The following NKAIN3 variants were observed in gnomAD, a reference collection of about 807,000 sequenced individuals.
NKAIN3 encodes sodium/potassium-transporting ATPase subunit beta-1-interacting protein 3.
NKAIN3 carries 25 observed loss-of-function variants against 30.2 expected under a neutral mutation model. The observed-to-expected ratio is 0.83, with a 90% CI of 0.60 to 1.16. The LOEUF is 1.16. NKAIN3 is among the 50% of genes most tolerant of loss of function. The probability of loss-of-function intolerance (pLI) is 0.00; values close to 1 mark genes in which losing one functional copy is unlikely to be tolerated. For synonymous variants in NKAIN3, 91 were observed against 89.6 expected (o/e 1.02, Z -0.09); for missense variants, 225 against 254.1 (o/e 0.89, Z 0.78).
At chr8:62,411,971 G>A (rs1405630519) in intron 1 of NKAIN3, among the ~76,000 whole-genome samples, 1 of 152,042 alleles carries the variant, frequency 6.6e-6, no homozygotes, top group Non-Finnish European at 1.5e-5. Flanking sequence ...AGTTAAAATG[G>A]CCATATTGCC....
intron 5 of NKAIN3, among the ~76,000 whole-genome samples, chr8:62,925,456 C>T (rs1414801725): frequency 5.3e-5 from 8 of 152,150 alleles, no homozygotes; most frequent in Non-Finnish European, 1.2e-4. Flanking sequence ...AAGCATGGCC[C>T]TATATTATGC....
intron 4 of NKAIN3, among the ~76,000 whole-genome samples, chr8:62,806,003 G>A (rs1358350256): frequency 1.3e-5 from 2 of 152,182 alleles, no homozygotes; most frequent in Non-Finnish European, 2.9e-5. Context: ...GACATGAACA[G>A]ACACTTCTAA....
At chr8:62,869,555 A>G (rs1820527809) in intron 4 of NKAIN3, among the ~76,000 whole-genome samples, 1 of 152,232 alleles carries the variant, frequency 6.6e-6, no homozygotes, top group Non-Finnish European at 1.5e-5. Context: ...GATTAATGAT[A>G]TCTAACCAGA....
chr8:62,977,444 G>C lies in NKAIN3; in HGVS notation c.*12037G>C, dbSNP rs376859257. Among the ~76,000 whole-genome samples the C allele has an allele frequency of 1.3e-5, 2 of 151,374 alleles. No individual in the cohort carries two copies. The highest frequency in any genetic ancestry group is 2.0e-4 in the East Asian group (1 of 5,086). ...TCTTCATGCTTTATTTCCTTAAGTT[G>C]ATCTTCAGTCTCTGATATCCTTTCT... On this transcript the variant is annotated 3_prime_UTR_variant, in exon 7 of 7. Transcript: ENST00000623646.
intron 4 of NKAIN3, among the ~76,000 whole-genome samples, chr8:62,881,413 T>C (rs1820977868): frequency 6.6e-6 from 1 of 152,194 alleles, no homozygotes; most frequent in Non-Finnish European, 1.5e-5. Context: ...TCCTTTCACT[T>C]AGTAATGTGC....
intron 3 of NKAIN3, among the ~76,000 whole-genome samples, chr8:62,707,081 A>ACACACACG (rs1554568727): frequency 2.6e-5 from 4 of 151,174 alleles, no homozygotes; most frequent in African/African-American, 9.7e-5. Flanking sequence ...ACACACACAC[A>ACACACACG]CACACGCACA....
chr8:62,760,916 A>G (rs2054521), intron 4 of NKAIN3, among the ~76,000 whole-genome samples: 29,529 of 152,018 alleles, frequency 0.19, 3,271 homozygotes, highest in African/African-American at 0.29. Flanking sequence ...ATCCTGGGGT[A>G]CAGGAAGCCT....
At chr8:62,825,498 T>C (rs977319237) in intron 4 of NKAIN3, among the ~76,000 whole-genome samples, 2 of 152,208 alleles carry the variant, frequency 1.3e-5, no homozygotes, top group East Asian at 1.9e-4. Flanking sequence ...TTAGATAAAC[T>C]ACTGGCTTGA....
At chr8:62,883,457 G>GTTGTTTTTTTT in intron 4 of NKAIN3, among the ~76,000 whole-genome samples, 770 of 70,128 alleles carry the variant, frequency 0.011, 119 homozygotes, top group South Asian at 0.054. Context: ...AGTTTTATGG[G>GTTGTTTTTTTT]TTTTTTTTTT....
At chr8:62,519,577 A>G (rs1808092983) in intron 1 of NKAIN3, among the ~76,000 whole-genome samples, 1 of 152,166 alleles carries the variant, frequency 6.6e-6, no homozygotes, top group Non-Finnish European at 1.5e-5. Context: ...TTTAACTTAA[A>G]GTGATAGAAT....
chr8:62,658,204 G>A (rs1162937520), intron 3 of NKAIN3, among the ~76,000 whole-genome samples: 1 of 152,114 alleles, frequency 6.6e-6, no homozygotes, highest in Non-Finnish European at 1.5e-5. Flanking sequence ...TCTGACACTG[G>A]CTTTGGGGTA....
intron 1 of NKAIN3, among the ~76,000 whole-genome samples, chr8:62,378,693 C>G (rs1817175451): frequency 6.6e-6 from 1 of 152,142 alleles, no homozygotes; most frequent in Admixed American, 6.5e-5. Context: ...ACACAGAAGA[C>G]AAGAATTGAG....
Position 62,977,295 on chromosome 8 carries a change from C to T in NKAIN3, c.*11888C>T, listed in dbSNP as rs1452067416. Reference sequence around the variant, plus strand: ...TTATATCCTAAATTGTGCTTTCCAACTTGATTCCATTCTCCCCATCACTTT... The same window carrying T: ...TTATATCCTAAATTGTGCTTTCCAATTTGATTCCATTCTCCCCATCACTTT... On this transcript the variant is annotated 3_prime_UTR_variant, in exon 7 of 7. Transcript: ENST00000623646. Among the ~76,000 whole-genome samples, 1 of 152,166 alleles carries T rather than the reference C, an allele frequency of 6.6e-6. No homozygotes were observed.
chr8:62,534,806 G>T (rs1485047556), intron 1 of NKAIN3, among the ~76,000 whole-genome samples: 2 of 151,500 alleles, frequency 1.3e-5, no homozygotes, highest in Middle Eastern at 3.2e-3. Context: ...GCCCCTGCCT[G>T]CCAGGGAAGT....
intron 4 of NKAIN3, among the ~76,000 whole-genome samples, chr8:62,774,137 A>G (rs951534360): frequency 3.3e-5 from 5 of 152,034 alleles, no homozygotes; most frequent in African/African-American, 1.2e-4. Context: ...GGTTAAGTTA[A>G]TTTCTGCATA....
intron 1 of NKAIN3, among the ~76,000 whole-genome samples, chr8:62,344,630 G>A (rs914458458): frequency 6.6e-6 from 1 of 152,024 alleles, no homozygotes; most frequent in African/African-American, 2.4e-5. Context: ...TTCTTTATGA[G>A]TTGGCAGTGG....
At chr8:62,577,489 T>G (rs904286246) in intron 1 of NKAIN3, among the ~76,000 whole-genome samples, 1 of 150,216 alleles carries the variant, frequency 6.7e-6, no homozygotes, top group Non-Finnish European at 1.5e-5. Context: ...TTTTTTTTTT[T>G]GTTTGTTTTT....
intron 1 of NKAIN3, among the ~76,000 whole-genome samples, chr8:62,552,511 C>T (rs1271844628): frequency 6.6e-6 from 1 of 152,142 alleles, no homozygotes; most frequent in African/African-American, 2.4e-5. Context: ...GAAGGAGCAT[C>T]CAATTCTTAT....
chr8:62,460,516 C>T (rs1805969027), intron 1 of NKAIN3, among the ~76,000 whole-genome samples: 1 of 151,726 alleles, frequency 6.6e-6, no homozygotes, highest in South Asian at 2.1e-4. Flanking sequence ...TGCACTTATT[C>T]AAGAAAAACA....
Sources: gnomAD v4.1 joint callset for allele counts (sites outside exome capture counted in the v4.1 genomes callset) on GRCh38, gnomAD v4.1.1 for gene constraint, MANE v1.5 for transcripts, NCBI Gene and HGNC (gene_info 2026-07-23, HGNC 2026-07-21) for gene names.